PDZD2: variants seen among roughly 807,000 people sequenced by gnomAD.
The protein encoded by PDZD2 is PDZ domain-containing protein 2.
A neutral mutation model predicts 220.7 loss-of-function variants in PDZD2; 90 were observed. The observed-to-expected ratio is 0.41, with a 90% confidence interval of 0.34 to 0.49. The LOEUF is 0.49. PDZD2 is among the 20% of genes least tolerant of loss of function. The probability of loss-of-function intolerance (pLI) is 0.28; values close to 1 mark genes in which losing one functional copy is unlikely to be tolerated. For missense variants in PDZD2, 3,174 were observed against 3,608.5 expected (o/e 0.88, Z 3.08); for synonymous variants, 1,375 against 1,450.5 (o/e 0.95, Z 1.18).
intron 3 of PDZD2, among the ~76,000 whole-genome samples, chr5:31,987,649 T>G (rs957151631): frequency 1.3e-5 from 2 of 152,282 alleles, no homozygotes; most frequent in African/African-American, 4.8e-5. Flanking sequence ...CTTGGATATA[T>G]TTCACATCAT....
intron 24 of PDZD2, among the ~76,000 whole-genome samples, chr5:32,104,449 A>T (rs1744542082): frequency 6.6e-6 from 1 of 151,546 alleles, no homozygotes; most frequent in African/African-American, 2.4e-5. Context: ...TCTGCCTCCC[A>T]GGTTCAAGTG....
intron 1 of PDZD2, among the ~76,000 whole-genome samples, chr5:31,697,292 G>A (rs138980542): frequency 0.065 from 9,941 of 152,104 alleles, 490 homozygotes; most frequent in African/African-American, 0.14. Context: ...GTGAAACCCC[G>A]TCTCTACTAA....
intron 1 of PDZD2, among the ~76,000 whole-genome samples, chr5:31,751,058 T>C (rs1483249595): frequency 6.6e-6 from 1 of 151,862 alleles, no homozygotes; most frequent in African/African-American, 2.4e-5. Flanking sequence ...GCCTGGCCAA[T>C]GTGGTGAAAC....
At chr5:31,938,850 G>A (rs934958066) in intron 2 of PDZD2, among the ~76,000 whole-genome samples, 1 of 152,124 alleles carries the variant, frequency 6.6e-6, no homozygotes, top group Non-Finnish European at 1.5e-5. Flanking sequence ...TCTAATAAAG[G>A]AAGAGGAAAA....
chr5:32,086,203 G>A (rs919333853), intron 19 of PDZD2, among the ~76,000 whole-genome samples: 8 of 152,092 alleles, frequency 5.3e-5, no homozygotes, highest in Admixed American at 2.0e-4. Context: ...TCTTGAGCTC[G>A]GCACTTGGAC....
chr5:32,107,949 TTC>T lies in PDZD2; in HGVS notation c.8354-18_8354-17del. The T allele has an allele frequency of 6.3e-7, 1 of 1,583,892 alleles. No individual in the cohort carries two copies. ...TATGAAACTGCCAAGCTATTAATTATTCTGTGTTTATTCTCGTAGGTGGTGCG... is the reference window on the plus strand; with the variant it reads ...TATGAAACTGCCAAGCTATTAATTATTGTGTTTATTCTCGTAGGTGGTGCG... On this transcript the variant is annotated intron_variant, in intron 24 of 24. Coordinates refer to ENST00000438447, the MANE Select transcript of PDZD2 (RefSeq NM_178140.4).
intron 1 of PDZD2, among the ~76,000 whole-genome samples, chr5:31,759,147 T>G (rs1580700279): frequency 8.0e-6 from 1 of 124,768 alleles, no homozygotes. Flanking sequence ...GCCCACCCCC[T>G]CCTCCACCTC....
intron 6 of PDZD2, among the ~76,000 whole-genome samples, chr5:32,019,475 C>G (rs898373509): frequency 1.7e-4 from 26 of 152,162 alleles, no homozygotes; most frequent in African/African-American, 6.0e-4. Context: ...CACATGGATC[C>G]TCAAAGAGCA....
chr5:32,003,582 AG>A (rs1332080472), intron 5 of PDZD2, among the ~76,000 whole-genome samples: 18 of 152,216 alleles, frequency 1.2e-4, no homozygotes, highest in African/African-American at 3.6e-4. Context: ...TCATTTGCAC[AG>A]CCCACCTCCT....
At chr5:31,998,868 T>A (rs990487532) in intron 4 of PDZD2, among the ~76,000 whole-genome samples, 2 of 152,244 alleles carry the variant, frequency 1.3e-5, no homozygotes, top group South Asian at 4.1e-4. Flanking sequence ...TGCGGTGGGA[T>A]CCGAGGCTCG....
intron 2 of PDZD2, among the ~76,000 whole-genome samples, chr5:31,883,850 T>C (rs1406198942): frequency 1.3e-5 from 2 of 151,938 alleles, no homozygotes; most frequent in Non-Finnish European, 2.9e-5. Context: ...GATCTGCCTA[T>C]CTCACCTCCC....
intron 2 of PDZD2, among the ~76,000 whole-genome samples, chr5:31,981,054 A>G (rs910318741): frequency 3.9e-5 from 6 of 152,130 alleles, no homozygotes; most frequent in Non-Finnish European, 5.9e-5. Flanking sequence ...CCAAAATGCA[A>G]GGATTACAGG....
chr5:32,070,119 A>G (rs1008014834), intron 15 of PDZD2, among the ~76,000 whole-genome samples: 1 of 152,180 alleles, frequency 6.6e-6, no homozygotes, highest in Non-Finnish European at 1.5e-5. Context: ...AGAAGGCTTG[A>G]GATAGTAGGA....
chr5:32,064,003 A>G (rs1739949653), intron 14 of PDZD2, among the ~76,000 whole-genome samples: 1 of 152,158 alleles, frequency 6.6e-6, no homozygotes, highest in South Asian at 2.1e-4. Context: ...AGAGCCCACT[A>G]ATTTTTTTCT....
intron 14 of PDZD2, among the ~76,000 whole-genome samples, chr5:32,062,114 C>A (rs1739748496): frequency 6.6e-6 from 1 of 152,106 alleles, no homozygotes; most frequent in Non-Finnish European, 1.5e-5. Flanking sequence ...AGGAATGTTT[C>A]CTTCTTAATG....
intron 1 of PDZD2, among the ~76,000 whole-genome samples, chr5:31,707,625 G>A (rs1473189911): frequency 5.3e-5 from 8 of 149,578 alleles, no homozygotes; most frequent in Admixed American, 5.3e-4. Flanking sequence ...TGGAGCTACT[G>A]CAAAAGTGAA....
intron 2 of PDZD2, among the ~76,000 whole-genome samples, chr5:31,907,204 T>C (rs1023462210): frequency 1.3e-5 from 2 of 152,222 alleles, no homozygotes; most frequent in African/African-American, 4.8e-5. Flanking sequence ...ATTTATTTTC[T>C]CACAGTTCTG....
chr5:31,874,758 C>G (rs1207536723), intron 2 of PDZD2, among the ~76,000 whole-genome samples: 1 of 96,326 alleles, frequency 1.0e-5, no homozygotes, highest in Non-Finnish European at 2.0e-5. Flanking sequence ...ACGACTCTAT[C>G]TTAAAAAAAA....
At chr5:31,927,919 C>T (rs1744937567) in intron 2 of PDZD2, among the ~76,000 whole-genome samples, 1 of 152,170 alleles carries the variant, frequency 6.6e-6, no homozygotes, top group Non-Finnish European at 1.5e-5. Flanking sequence ...CCCCATTTCA[C>T]AGGGTGACTC....
Sources: allele counts gnomAD v4.1 joint callset (sites outside exome capture counted in the v4.1 genomes callset), GRCh38; gene constraint gnomAD v4.1.1; transcripts MANE v1.5; gene names NCBI Gene and HGNC (gene_info 2026-07-23, HGNC 2026-07-21).